The following PPARA variants were observed in gnomAD, a reference collection of about 807,000 sequenced individuals.
PPARA encodes the protein peroxisome proliferator activated receptor alpha, also known as peroxisome proliferator-activated receptor alpha.
PPARA carries 22 observed loss-of-function variants against 42.2 expected under a neutral mutation model. That is an observed-to-expected ratio of 0.52 (90% CI 0.37 to 0.74). The LOEUF is 0.74. Among genes scored for constraint, PPARA ranks in the 30% least tolerant of loss-of-function variants. PPARA has a pLI of 0.00. For missense variants in PPARA, 465 were observed against 608.2 expected, an observed-to-expected ratio of 0.76 and a Z score of 2.48; for synonymous variants, 242 against 239.3, an observed-to-expected ratio of 1.01 and a Z score of -0.10.
Position 46,198,575 on chromosome 22 carries a change from T to G in PPARA, c.192T>G (p.Asp64Glu). The stretch of plus-strand genomic sequence containing the variant: ...ATTTAGGAAGCTGTCCTGGCTCAGA[T>G]GGCTCGGTCATCACGGGTAAGTGTG... ...YQYLGSCPGS[D>E]GSVITDTLSP... Residue 64 changes from aspartate to glutamate, a missense_variant, in exon 4 of 9, where the codon GAT becomes GAG. Asp to Glu is a conservative substitution (Grantham distance 45, BLOSUM62 2). Transcript: ENST00000407236. 1 of 1,613,828 alleles carries G rather than the reference T, an allele frequency of 6.2e-7. No individual in the cohort carries two copies. Among genetic ancestry groups the G allele is most frequent in the Non-Finnish European group, 8.5e-7 (1 of 1,179,848 alleles).
Position 46,232,494 on chromosome 22 carries a change from C to T in PPARA, c.1159+255C>T, listed in dbSNP as rs1935946256. ...TTATGTAAATGTATGACATTTTAAT[C>T]ATAATATTAGCCAGGTGTGGGGGTG... On this transcript the variant is annotated intron_variant, in intron 8 of 8. Transcript: ENST00000407236. This position sits in a 1 kb window ranked among gnomAD's most constrained non-coding sequence, Gnocchi z 5.3. Among the ~76,000 whole-genome samples, 1 of 151,622 alleles carries T rather than the reference C, an allele frequency of 6.6e-6. No homozygotes were observed. The highest frequency in any genetic ancestry group is 1.5e-5 in the Non-Finnish European group (1 of 67,936).
rs532529802 is a variant in PPARA at position 46,211,665 on chromosome 22, C to T, written c.209-3508C>T. ...TCACAAATGCGTAGTGTCATGTATC[C>T]ACCACTACATTTTCCTTCTCTCTCT... is the stretch of plus-strand genomic sequence containing the variant. On this transcript the variant is annotated intron_variant, in intron 4 of 8. Coordinates refer to ENST00000407236, the MANE Select transcript of PPARA (RefSeq NM_005036.6). This position sits in a 1 kb window ranked among gnomAD's most constrained non-coding sequence, Gnocchi z 4.1. 1.4e-4 allele frequency among the ~76,000 whole-genome samples: 22 copies of T among 152,112 alleles called. No homozygotes were observed. The highest frequency in any genetic ancestry group is 2.6e-4 in the Non-Finnish European group (18 of 68,020).
rs769026890 is a variant in PPARA at position 46,241,261 on chromosome 22, G to A, written c.*5881G>A. The stretch of plus-strand genomic sequence containing the variant: ...CCATTTTGACAGCATTCAGGAAAAC[G>A]GTTATTGACCCCATAGACTAGGGTA... On this transcript the variant is annotated 3_prime_UTR_variant, in exon 9 of 9. Coordinates refer to ENST00000407236, the MANE Select transcript of PPARA (RefSeq NM_005036.6). This position sits in a 1 kb window ranked among gnomAD's most constrained non-coding sequence, Gnocchi z 5.7. 2.6e-5 allele frequency: 4 copies of A among 152,146 alleles called. No homozygotes were observed. Among genetic ancestry groups the A allele is most frequent in the Admixed American group, 6.5e-5 (1 of 15,276 alleles). The allele number at this position is 152,146 out of a possible 1,614,324, so 9.4% of individuals were successfully genotyped here. A position where few individuals can be genotyped will look rare whatever the true frequency, so the allele number is the denominator to read the frequency against.
rs1195984937 is a variant in PPARA at position 46,162,318 on chromosome 22, G to A, written c.-127+10348G>A. ...TGTTTATGGGATGAGAGGTTGATAG[G>A]AGGGCATGGCCCTGACATTCCAGGG... On this transcript the variant is annotated intron_variant, in intron 2 of 8. Transcript: ENST00000407236. The surrounding 1 kb of genome is among the most constrained non-coding windows in gnomAD (Gnocchi z 6.0). Among the ~76,000 whole-genome samples the A allele has an allele frequency of 6.6e-6, 1 of 152,160 alleles. No homozygotes were observed. Among genetic ancestry groups the A allele is most frequent in the East Asian group, 1.9e-4 (1 of 5,190 alleles).
chr22:46,189,835 A>G (rs771760903), intron 3 of PPARA, among the ~76,000 whole-genome samples: 11 of 151,724 alleles, frequency 7.3e-5, no homozygotes, highest in Non-Finnish European at 1.6e-4. Flanking sequence ...CCTCCCAAGT[A>G]GCTAGGGACT....
At chr22:46,218,633 A>G (rs1934714132) in intron 6 of PPARA, among the ~76,000 whole-genome samples, 1 of 151,538 alleles carries the variant, frequency 6.6e-6, no homozygotes. Flanking sequence ...CAGGAGTTTG[A>G]GACCAGCCTG....
rs1932257482 is a variant in PPARA, at chr22:46,196,597, CT to C, written c.-42-1744del. On this transcript the variant is annotated intron_variant, in intron 3 of 8. Transcript: ENST00000407236. This position sits in a 1 kb window ranked among gnomAD's most constrained non-coding sequence, Gnocchi z 5.6. ...ATTCCCTGAGGTTATCTCCTGCCCC[CT>C]AATCAGTGAGGCCTTCCCTGGCCTC... Among the ~76,000 whole-genome samples, 1 of 152,210 alleles carries C rather than the reference CT, an allele frequency of 6.6e-6. No individual in the cohort carries two copies. Among genetic ancestry groups the C allele is most frequent in the African/African-American group, 2.4e-5 (1 of 41,456 alleles).
At chr22:46,228,101 G>A (rs888503146) in intron 7 of PPARA, among the ~76,000 whole-genome samples, 3 of 152,152 alleles carry the variant, frequency 2.0e-5, no homozygotes, top group African/African-American at 7.2e-5. Flanking sequence ...CCTCATTTAC[G>A]AGAGTACATC....
intron 2 of PPARA, among the ~76,000 whole-genome samples, chr22:46,170,930 G>C (rs1453300532): frequency 6.6e-6 from 1 of 151,826 alleles, no homozygotes; most frequent in Non-Finnish European, 1.5e-5. Context: ...GGGAGGCCGA[G>C]ACAGCAGATC....
chr22:46,164,732 T>A (rs117989440), intron 2 of PPARA: 1 of 152,368 alleles, frequency 6.6e-6, no homozygotes, highest in Non-Finnish European at 1.5e-5. Flanking sequence ...TACACCCTTG[T>A]GCTTATTAAA....
chr22:46,210,146 C>T (rs8139663), intron 4 of PPARA, among the ~76,000 whole-genome samples: 44,319 of 150,850 alleles, frequency 0.29, 7,203 homozygotes, highest in African/African-American at 0.43. Context: ...CCCGTCTCTA[C>T]AAAAAATACA....
rs149448838 is a variant in PPARA at position 46,225,170 on chromosome 22, A to G, written c.711+5156A>G. Reference sequence around the variant, plus strand: ...GGGAAGGAGTGAGGGGTGGATGGAGAATGTCTGTGTCCATCTGGACACTGG... The same window carrying G: ...GGGAAGGAGTGAGGGGTGGATGGAGGATGTCTGTGTCCATCTGGACACTGG... On this transcript the variant is annotated intron_variant, in intron 7 of 8. Coordinates refer to ENST00000407236, the MANE Select transcript of PPARA (RefSeq NM_005036.6). The surrounding 1 kb of genome is among the most constrained non-coding windows in gnomAD (Gnocchi z 4.1). Among the ~76,000 whole-genome samples, 491 of 152,146 alleles carry G rather than the reference A, an allele frequency of 3.2e-3. 3 individuals are homozygous for G. The highest frequency in any genetic ancestry group is 0.011 in the African/African-American group (469 of 41,510).
chr22:46,225,731 C>G lies in PPARA; in HGVS notation c.711+5717C>G, dbSNP rs747941516. 3.9e-4 allele frequency among the ~76,000 whole-genome samples: 56 copies of G among 142,286 alleles called. No homozygotes were observed. Among genetic ancestry groups the G allele is most frequent in the Non-Finnish European group, 7.0e-4 (46 of 65,318 alleles). 93.3% of individuals were successfully genotyped at this position (142,286 alleles called of 152,430 possible). A position where few individuals can be genotyped will look rare whatever the true frequency, so the allele number is the denominator to read the frequency against. On this transcript the variant is annotated intron_variant, in intron 7 of 8. Transcript: ENST00000407236. The surrounding 1 kb of genome is among the most constrained non-coding windows in gnomAD (Gnocchi z 4.1). The stretch of plus-strand genomic sequence containing the variant: ...CATGCACCCACACGCACACAAGCAT[C>G]CATGCTCACATGGGTACACACTCAC...
At position 46,241,079 on chromosome 22, in the gene PPARA, G is replaced by A. The variant is rs41378347; in HGVS notation, c.*5699G>A. ...AGGCCATCTCACCAAAGGATTATTC[G>A]ATGCCATTAAATCATCCCGTGACCT... On this transcript the variant is annotated 3_prime_UTR_variant, in exon 9 of 9. Transcript: ENST00000407236. This position sits in a 1 kb window ranked among gnomAD's most constrained non-coding sequence, Gnocchi z 5.7. 14,923 of 152,340 alleles carry A rather than the reference G, an allele frequency of 0.098. 803 individuals are homozygous for A. The highest frequency in any genetic ancestry group is 0.11 in the Non-Finnish European group (7,697 of 68,042). The allele number at this position is 152,340 out of a possible 1,614,324, so 9.4% of individuals were successfully genotyped here.
chr22:46,174,190 A>AAGAG (rs150359508), intron 2 of PPARA, among the ~76,000 whole-genome samples: 252 of 126,884 alleles, frequency 2.0e-3, no homozygotes, highest in South Asian at 6.9e-3. Flanking sequence ...AGAAGGAAGA[A>AAGAG]AGAGAGAGAG....
At position 46,187,121 on chromosome 22, in the gene PPARA, C is replaced by T. The variant is rs542607270; in HGVS notation, c.-43+10285C>T. Among the ~76,000 whole-genome samples, 46 of 152,212 alleles carry T rather than the reference C, an allele frequency of 3.0e-4. No individual in the cohort carries two copies. Among genetic ancestry groups the T allele is most frequent in the Non-Finnish European group, 4.9e-4 (33 of 68,038 alleles). Reference sequence around the variant, plus strand: ...CTGCCTTCCCCTGAGGTTGGCCTTGCAGCCTCTCTAGGCACTGCTGCTGCT... The same window carrying T: ...CTGCCTTCCCCTGAGGTTGGCCTTGTAGCCTCTCTAGGCACTGCTGCTGCT... On this transcript the variant is annotated intron_variant, in intron 3 of 8. Transcript: ENST00000407236. The surrounding 1 kb of genome is among the most constrained non-coding windows in gnomAD (Gnocchi z 4.9).
intron 4 of PPARA, among the ~76,000 whole-genome samples, chr22:46,199,190 G>A (rs1397279572): frequency 6.6e-6 from 1 of 152,162 alleles, no homozygotes; most frequent in African/African-American, 2.4e-5. Flanking sequence ...GGGGCAGCTA[G>A]ACATTTTTAA....
Position 46,240,170 on chromosome 22 carries a change from C to T in PPARA, c.*4790C>T, listed in dbSNP as rs1194839231. The T allele has an allele frequency of 2.5e-6, 1 of 398,584 alleles. No homozygotes were observed. The highest frequency in any genetic ancestry group is 4.4e-6 in the Non-Finnish European group (1 of 226,166). 24.7% of individuals were successfully genotyped at this position (398,584 alleles called of 1,614,324 possible). A position where few individuals can be genotyped will look rare whatever the true frequency, so the allele number is the denominator to read the frequency against. On this transcript the variant is annotated 3_prime_UTR_variant, in exon 9 of 9. Coordinates refer to ENST00000407236, the MANE Select transcript of PPARA (RefSeq NM_005036.6). This position sits in a 1 kb window ranked among gnomAD's most constrained non-coding sequence, Gnocchi z 6.0. ...GCAGATGCCACCAGGAGAACATGCC[C>T]ACAGCTCACCACCTATGGATGCCAT...
chr22:46,211,491 T>C lies in PPARA; in HGVS notation c.209-3682T>C, dbSNP rs1377865588. On this transcript the variant is annotated intron_variant, in intron 4 of 8. Coordinates refer to ENST00000407236, the MANE Select transcript of PPARA (RefSeq NM_005036.6). The surrounding 1 kb of genome is among the most constrained non-coding windows in gnomAD (Gnocchi z 4.1). ...CCTTTCCGCACCTGCACCCACTTTT[T>C]CCCCTGAGATTGTTTCCTACATTCG... is the stretch of plus-strand genomic sequence containing the variant. Among the ~76,000 whole-genome samples the C allele has an allele frequency of 6.6e-6, 1 of 152,226 alleles. No homozygotes were observed. The highest frequency in any genetic ancestry group is 2.4e-5 in the African/African-American group (1 of 41,470).
Sources: gnomAD v4.1 joint callset for allele counts (sites outside exome capture counted in the v4.1 genomes callset) on GRCh38, gnomAD v4.1.1 for gene constraint, Gnocchi (gnomAD v3.1) non-coding constraint, MANE v1.5 for transcripts, NCBI Gene and HGNC (gene_info 2026-07-23, HGNC 2026-07-21) for gene names.